PITPNM3: variants seen among roughly 807,000 people sequenced by gnomAD.
The protein encoded by PITPNM3 is membrane-associated phosphatidylinositol transfer protein 3.
PITPNM3 carries 26 observed loss-of-function variants against 102.0 expected under a neutral mutation model. The observed-to-expected ratio is 0.25, with a 90% CI of 0.19 to 0.35. PITPNM3 has a LOEUF of 0.35. PITPNM3 is among the 10% of genes least tolerant of loss of function. The pLI, the probability that PITPNM3 is intolerant of heterozygous loss-of-function variation, is 1.00. For missense variants in PITPNM3, 1,083 were observed against 1,346.1 expected, an observed-to-expected ratio of 0.80 and a Z score of 3.06; for synonymous variants, 578 against 558.6, an observed-to-expected ratio of 1.03 and a Z score of -0.49.
At chr17:6,474,081 G>A (rs1217225027) in intron 10 of PITPNM3, among the ~76,000 whole-genome samples, 6 of 151,802 alleles carry the variant, frequency 4.0e-5, no homozygotes, top group African/African-American at 7.3e-5. Flanking sequence ...CCTGGCAGTC[G>A]TATCTGCCTC....
intron 4 of PITPNM3, among the ~76,000 whole-genome samples, chr17:6,489,746 CTGTAGT>C (rs1906330990): frequency 2.0e-5 from 3 of 152,320 alleles, no homozygotes; most frequent in Admixed American, 1.3e-4. Flanking sequence ...TGGCTCACGC[CTGTAGT>C]CCCAGCACTT....
chr17:6,455,575 C>A lies in PITPNM3; in HGVS notation c.2688G>T (p.Lys896Asn). ...LEASHRSRPK[K>N]NNSRMILRKG... ...TGCGCAGGATCATGCGCGAGTTGTT[C>A]TTCTTTGGGCGTGAGCGGTGGCTGG... is the stretch of plus-strand genomic sequence containing the variant. Residue 896 changes from lysine (K) to asparagine (N), a missense_variant, in exon 20 of 20, where the codon AAG becomes AAT. Lys to Asn is a moderately conservative substitution (Grantham distance 94). Transcript: ENST00000262483. The A allele has an allele frequency of 6.3e-7, 1 of 1,599,178 alleles. No homozygotes were observed. Among genetic ancestry groups the A allele is most frequent in the Non-Finnish European group, 8.5e-7 (1 of 1,178,814 alleles).
intron 1 of PITPNM3, among the ~76,000 whole-genome samples, chr17:6,540,358 C>A (rs1227995406): frequency 6.6e-6 from 1 of 152,188 alleles, no homozygotes; most frequent in Non-Finnish European, 1.5e-5. Flanking sequence ...AAAACCTCTC[C>A]CTTCCTACAC....
intron 1 of PITPNM3, among the ~76,000 whole-genome samples, chr17:6,544,654 T>TCACACACA (rs754945876): frequency 2.2e-4 from 29 of 130,272 alleles, no homozygotes; most frequent in African/African-American, 7.7e-4. Flanking sequence ...TCTCTCTCTC[T>TCACACACA]CACACACACA....
chr17:6,464,397 T>A, intron 15 of PITPNM3, 79 bp from the exon 16 acceptor site: 1 of 1,486,128 alleles, frequency 6.7e-7, no homozygotes, highest in Non-Finnish European at 9.3e-7. Context: ...GCGGGGGAAC[T>A]CTGGGCTGAG....
At position 6,455,204 on chromosome 17, in the gene PITPNM3, G is replaced by C; in HGVS notation, c.*134C>G. On this transcript the variant is annotated 3_prime_UTR_variant, in exon 20 of 20. Transcript: ENST00000262483. ...TCGGGCAGGATCCCTCCCCGCTCTG[G>C]TCGGACACTGCTGGACAGACACGGG... 1.7e-6 allele frequency: 2 copies of C among 1,211,818 alleles called. No homozygotes were observed. The highest frequency in any genetic ancestry group is 2.2e-6 in the Non-Finnish European group (2 of 899,306). 75.1% of individuals were successfully genotyped at this position (1,211,818 alleles called of 1,614,324 possible).
intron 18 of PITPNM3, chr17:6,460,789 G>C (rs996097947): frequency 6.2e-6 from 1 of 162,392 alleles, no homozygotes; most frequent in African/African-American, 2.4e-5. Context: ...ATCTTTCTGT[G>C]CATCAGAATC....
intron 4 of PITPNM3, among the ~76,000 whole-genome samples, chr17:6,501,283 G>A (rs1372644980): frequency 6.6e-6 from 1 of 152,164 alleles, no homozygotes; most frequent in Non-Finnish European, 1.5e-5. Flanking sequence ...CATCATGCTT[G>A]TTATTTTATA....
chr17:6,464,541 T>A, intron 15 of PITPNM3, 114 bp downstream of exon 15: 1 of 1,212,266 alleles, frequency 8.2e-7, no homozygotes, highest in Non-Finnish European at 1.2e-6. Context: ...GGCCCTGTGC[T>A]TCCACCCCAG....
chr17:6,478,209 G>A lies in PITPNM3; in HGVS notation c.778-112C>T, dbSNP rs1271808990. ...AGGAGAATGAGAAACTCGTCCTTGG[G>A]AGGTGTTGAGAGAGCCCAACTGGGA... On this transcript the variant is annotated intron_variant, in intron 7 of 19. Coordinates refer to ENST00000262483, the MANE Select transcript of PITPNM3 (RefSeq NM_031220.4). This position sits in a 1 kb window ranked among gnomAD's most constrained non-coding sequence, Gnocchi z 4.4. 2.0e-6 allele frequency: 3 copies of A among 1,535,736 alleles called. No individual in the cohort carries two copies. The highest frequency in any genetic ancestry group is 1.2e-5 in the South Asian group (1 of 85,108).
chr17:6,463,336 A>T (rs1248764896), intron 17 of PITPNM3, among the ~76,000 whole-genome samples: 2 of 150,562 alleles, frequency 1.3e-5, no homozygotes, highest in Non-Finnish European at 2.9e-5. Context: ...CTCTGACTTA[A>T]GAGCTCGCTC....
intron 1 of PITPNM3, among the ~76,000 whole-genome samples, chr17:6,554,826 G>A (rs991203526): frequency 2.6e-5 from 4 of 152,220 alleles, no homozygotes; most frequent in African/African-American, 7.2e-5. Flanking sequence ...TTAAAAGTGG[G>A]AGAGTCGCAT....
chr17:6,528,519 G>A (rs1343692622), intron 2 of PITPNM3, among the ~76,000 whole-genome samples: 1 of 146,590 alleles, frequency 6.8e-6, no homozygotes, highest in African/African-American at 2.5e-5. Flanking sequence ...CATGCATTGT[G>A]TGCATGTGTG....
chr17:6,538,069 C>G lies in PITPNM3; in HGVS notation c.36G>C (p.Pro12=), dbSNP rs369702538. 2.5e-6 allele frequency: 4 copies of G among 1,610,918 alleles called. No individual in the cohort carries two copies. The South Asian group carries it at 4.4e-5, about 18-fold the overall frequency. Residue 12 remains proline (P), a synonymous_variant, in exon 2 of 20, where the codon CCG becomes CCC. Transcript: ENST00000262483. ...GAAGGTGCCAGGGGGCACCGCCGCC[C>G]GGGGGAGGACCACCTGTTAAAGGGA... ...AKAGRAGGPP[P]GGGAPWHLRN... is the part of the protein sequence containing the mutation.
chr17:6,456,062 C>T lies in PITPNM3; in HGVS notation c.2620-419G>A, dbSNP rs892291520. On this transcript the variant is annotated intron_variant, in intron 19 of 19. Coordinates refer to ENST00000262483, the MANE Select transcript of PITPNM3 (RefSeq NM_031220.4). ...TATTTGAGAAAGGGTCTCGCTGTGT[C>T]GCCCAGGCTGGAGTGCAGTAGCCCA... 1.6e-4 allele frequency among the ~76,000 whole-genome samples: 25 copies of T among 151,708 alleles called. 1 individual carries two copies. Among genetic ancestry groups the T allele is most frequent in the African/African-American group, 5.1e-4 (21 of 41,278 alleles).
rs1359785758 is a variant in PITPNM3 at position 6,474,552 on chromosome 17, G to T, written c.1138C>A (p.Pro380Thr). ...DESETPAAGG[P>T]QLPEVSLGRF... ...CCCAGGCTGACCTCAGGGAGCTGCG[G>T]CCCCCCAGCCGCCGGGGTCTCAGAC... The change falls in exon 10 of 20, where the codon CCG becomes ACG. Residue 380 changes from proline to threonine, a missense_variant. Coordinates refer to ENST00000262483, the MANE Select transcript of PITPNM3 (RefSeq NM_031220.4). 5 of 1,601,666 alleles carry T rather than the reference G, an allele frequency of 3.1e-6. No homozygotes were observed. The highest frequency in any genetic ancestry group is 4.3e-6 in the Non-Finnish European group (5 of 1,174,734).
chr17:6,555,587 C>G (rs1438995133), intron 1 of PITPNM3, among the ~76,000 whole-genome samples: 2 of 152,200 alleles, frequency 1.3e-5, no homozygotes, highest in African/African-American at 4.8e-5. Flanking sequence ...AGAATGTGCC[C>G]GATGAGTCAC....
chr17:6,502,458 GA>G (rs909797969), intron 4 of PITPNM3, among the ~76,000 whole-genome samples: 12 of 148,628 alleles, frequency 8.1e-5, no homozygotes, highest in South Asian at 2.1e-4. Context: ...TCTGTCTCAA[GA>G]AAAAAAAAAG....
rs894332821 is a variant in PITPNM3 at position 6,471,000 on chromosome 17, C to T, written c.1624+161G>A. On this transcript the variant is annotated intron_variant, in intron 12 of 19. Transcript: ENST00000262483. The surrounding 1 kb of genome is among the most constrained non-coding windows in gnomAD (Gnocchi z 4.8). ...CCGATGCCAGGTCTCCATCAGCAGACGCCCAGCTCTCTAAAGGCAGAAGCA... is the reference window on the plus strand; with the variant it reads ...CCGATGCCAGGTCTCCATCAGCAGATGCCCAGCTCTCTAAAGGCAGAAGCA... Among the ~76,000 whole-genome samples, 1 of 152,184 alleles carries T rather than the reference C, an allele frequency of 6.6e-6. No homozygotes were observed. Among genetic ancestry groups the T allele is most frequent in the African/African-American group, 2.4e-5 (1 of 41,434 alleles).
Sources: allele counts gnomAD v4.1 joint callset (sites outside exome capture counted in the v4.1 genomes callset), GRCh38; gene constraint gnomAD v4.1.1; non-coding constraint Gnocchi (gnomAD v3.1); transcripts MANE v1.5; gene names NCBI Gene and HGNC (gene_info 2026-07-23, HGNC 2026-07-21).